Variants in HEATR4 observed in about 807,000 individuals in gnomAD.
HEATR4 encodes the protein HEAT repeat-containing protein 4.
A neutral mutation model predicts 108.8 loss-of-function variants in HEATR4; 95 were observed. The ratio of observed to expected loss-of-function variants is 0.87; its 90% CI spans 0.74 to 1.04. The LOEUF is 1.04. HEATR4 is among the 50% of genes least tolerant of loss of function. HEATR4 has a pLI of 0.00. For synonymous variants in HEATR4, 443 were observed against 459.4 expected (o/e 0.96, Z 0.46); for missense variants, 1,152 against 1,253.8 (o/e 0.92, Z 1.23).
At chr14:73,549,298 T>C (rs2158979) in intron 1 of HEATR4, among the ~76,000 whole-genome samples, 1 of 114,272 alleles carries the variant, frequency 8.8e-6, no homozygotes, top group South Asian at 2.8e-4. Flanking sequence ...CTCAGGGGCG[T>C]CAGGCCTCAA....
At chr14:73,612,348 G>A in the HEATR4 span, 2 of 409,984 alleles carry the variant, frequency 4.9e-6, no homozygotes, top group Non-Finnish European at 4.2e-6. Flanking sequence ...GGCCGGATTG[G>A]TCATTAACTC....
intron 17 of HEATR4, chr14:73,481,060 A>G (rs1035953307): frequency 6.6e-6 from 1 of 152,214 alleles, no homozygotes; most frequent in African/African-American, 2.4e-5. Flanking sequence ...CTGTGAAGCC[A>G]GAAAAAGACA....
At position 73,540,966 on chromosome 14, in the gene HEATR4, T is replaced by A. The variant is rs1225966989; in HGVS notation, c.-151-10722A>T. Reference sequence around the variant, plus strand: ...CATGTTGGCCAGGCTGGTCTCGAACTCCTGACCTCAGGTGATCCACCCGTC... The same window carrying A: ...CATGTTGGCCAGGCTGGTCTCGAACACCTGACCTCAGGTGATCCACCCGTC... On this transcript the variant is annotated intron_variant, in intron 1 of 17. Transcript: ENST00000553558. Among the ~76,000 whole-genome samples, 3 of 115,976 alleles carry A rather than the reference T, an allele frequency of 2.6e-5. 1 individual carries two copies. Among genetic ancestry groups the A allele is most frequent in the Admixed American group, 9.4e-5 (1 of 10,646 alleles). The allele number at this position is 115,976 out of a possible 152,430, so 76.1% of individuals were successfully genotyped here.
At chr14:73,619,432 T>A in the HEATR4 span, 1 of 1,614,186 alleles carries the variant, frequency 6.2e-7, no homozygotes, top group Non-Finnish European at 8.5e-7. Flanking sequence ...AATCACTAAG[T>A]CAGGATTTCT....
In HEATR4 at chr14:73,499,156, CA is replaced by C; in HGVS notation, c.2287-17del. 6.2e-7 allele frequency: 1 copy of C among 1,612,044 alleles called. No individual in the cohort carries two copies. The highest frequency in any genetic ancestry group is 8.5e-7 in the Non-Finnish European group (1 of 1,178,126). The stretch of plus-strand genomic sequence containing the variant: ...ATTCAAGCACCTGGGATGGAAAAGG[CA>C]GTGTTGAGTGGGGAGGACCAGAGCA... On this transcript the variant is annotated splice_polypyrimidine_tract_variant and intron_variant, in intron 12 of 17. Coordinates refer to ENST00000553558, the MANE Select transcript of HEATR4 (RefSeq NM_001220484.1).
At chr14:73,504,444 G>T (rs565784374) in intron 10 of HEATR4, among the ~76,000 whole-genome samples, 1 of 151,914 alleles carries the variant, frequency 6.6e-6, no homozygotes, top group Non-Finnish European at 1.5e-5. Flanking sequence ...GGGTTTCACC[G>T]TGTTAGCCAG....
At chr14:73,506,747 A>G (rs1886853629) in intron 9 of HEATR4, among the ~76,000 whole-genome samples, 176 bp from the exon 10 acceptor site, 1 of 151,636 alleles carries the variant, frequency 6.6e-6, no homozygotes, top group Non-Finnish European at 1.5e-5. Flanking sequence ...TGGGGAACAA[A>G]ATACAAATTT....
At chr14:73,573,507 T>C in the HEATR4 span, 1 of 1,613,738 alleles carries the variant, frequency 6.2e-7, no homozygotes. Flanking sequence ...TTATTATAAC[T>C]ATGAAGACCT....
chr14:73,520,772 T>C, intron 4 of HEATR4, 80 bp downstream of exon 4: 4 of 1,342,054 alleles, frequency 3.0e-6, no homozygotes, highest in Admixed American at 2.0e-5. Context: ...TACCCACAAC[T>C]GTTTCCAGCC....
the HEATR4 span, among the ~76,000 whole-genome samples, chr14:73,610,215 T>C: frequency 5.9e-5 from 9 of 151,500 alleles, no homozygotes; most frequent in African/African-American, 1.2e-4. Flanking sequence ...ATTATAGTAG[T>C]CTCCTGGGCC....
intron 17 of HEATR4, chr14:73,491,038 T>A (rs978918880): frequency 6.3e-7 from 1 of 1,583,782 alleles, no homozygotes; most frequent in Non-Finnish European, 8.6e-7. Context: ...TCCAGGCCAG[T>A]GCAGGGCCGT....
At chr14:73,571,807 A>G in the HEATR4 span, 9 of 152,090 alleles carry the variant, frequency 5.9e-5, no homozygotes, top group Admixed American at 5.2e-4. Context: ...CAGTATGTTA[A>G]GATTTATGTA....
At chr14:73,593,173 A>G in the HEATR4 span, among the ~76,000 whole-genome samples, 1 of 152,110 alleles carries the variant, frequency 6.6e-6, no homozygotes, top group African/African-American at 2.4e-5. Flanking sequence ...CACAGGTCAC[A>G]CTTCAGACTC....
the HEATR4 span, among the ~76,000 whole-genome samples, chr14:73,618,314 C>T: frequency 5.2e-4 from 79 of 152,102 alleles, no homozygotes; most frequent in South Asian, 2.7e-3. Context: ...TCTTGGGATC[C>T]GGCACCCCAG....
At chr14:73,626,304 A>T in the HEATR4 span, among the ~76,000 whole-genome samples, 343 of 152,332 alleles carry the variant, frequency 2.3e-3, no homozygotes, top group African/African-American at 7.4e-3. Flanking sequence ...ATAATGTTTT[A>T]AAAAAGTTTA....
the HEATR4 span, chr14:73,574,548 C>CCA: frequency 4.3e-4 from 181 of 424,896 alleles, no homozygotes; most frequent in African/African-American, 3.3e-3. Flanking sequence ...CAGGCGTCAG[C>CCA]CACCACTCCC....
chr14:73,598,596 G>A, the HEATR4 span, among the ~76,000 whole-genome samples: 1 of 152,132 alleles, frequency 6.6e-6, no homozygotes, highest in East Asian at 1.9e-4. Context: ...GACAGGCGCT[G>A]TGGCTCATGC....
chr14:73,578,158 G>C, the HEATR4 span, among the ~76,000 whole-genome samples: 2 of 150,966 alleles, frequency 1.3e-5, no homozygotes, highest in Non-Finnish European at 3.0e-5. Flanking sequence ...GCAAAAAAAT[G>C]TTTTAATAAC....
the HEATR4 span, among the ~76,000 whole-genome samples, chr14:73,600,804 G>A: frequency 3.3e-5 from 5 of 152,048 alleles, no homozygotes; most frequent in African/African-American, 1.2e-4. Flanking sequence ...ATCTCAGTGG[G>A]TTTCACTCCA....
Sources: gnomAD v4.1 joint callset for allele counts (sites outside exome capture counted in the v4.1 genomes callset) on GRCh38, gnomAD v4.1.1 for gene constraint, MANE v1.5 for transcripts, NCBI Gene and HGNC (gene_info 2026-07-23, HGNC 2026-07-21) for gene names.